The following MDGA2 variants were observed in gnomAD, a reference collection of about 807,000 sequenced individuals.
MDGA2 encodes MAM domain containing glycosylphosphatidylinositol anchor 2, also known as MAM domain-containing glycosylphosphatidylinositol anchor protein 2.
A neutral mutation model predicts 117.8 loss-of-function variants in MDGA2; 40 were observed. The observed-to-expected ratio is 0.34, with a 90% confidence interval of 0.26 to 0.44. MDGA2 has a LOEUF of 0.44. MDGA2 is among the 20% of genes least tolerant of loss of function. The pLI, the probability that MDGA2 is intolerant of heterozygous loss-of-function variation, is 1.00. For missense variants in MDGA2, 1,123 were observed against 1,250.6 expected (o/e 0.90, Z 1.54); for synonymous variants, 452 against 439.0 (o/e 1.03, Z -0.37).
chr14:47,099,406 T>C (rs1217721819), intron 5 of MDGA2, among the ~76,000 whole-genome samples: 3 of 151,984 alleles, frequency 2.0e-5, no homozygotes, highest in African/African-American at 7.2e-5. Flanking sequence ...AAAATATTTT[T>C]GTCCATTAAA....
intron 1 of MDGA2, among the ~76,000 whole-genome samples, chr14:47,626,847 C>G (rs899478980): frequency 6.6e-6 from 1 of 152,240 alleles, no homozygotes; most frequent in Non-Finnish European, 1.5e-5. Context: ...GCGCCGCCCC[C>G]TGCTCCACAG....
rs565845585 is a variant in MDGA2, at chr14:47,146,988, G to A, written c.596-2714C>T. ...TATTGGCTAGGTTATCTGTTGAATTGACTCATGTTTAGAAATTTCTAAGTG... is the reference window on the plus strand; with the variant it reads ...TATTGGCTAGGTTATCTGTTGAATTAACTCATGTTTAGAAATTTCTAAGTG... On this transcript the variant is annotated intron_variant, in intron 3 of 16. Coordinates refer to ENST00000399232, the MANE Select transcript of MDGA2 (RefSeq NM_001113498.3). Among the ~76,000 whole-genome samples, 4 of 152,170 alleles carry A rather than the reference G, an allele frequency of 2.6e-5. No homozygotes were observed. In the East Asian group the frequency reaches 7.7e-4, roughly 29 times the overall value.
At chr14:47,652,766 C>G (rs529761648) in intron 1 of MDGA2, among the ~76,000 whole-genome samples, 1 of 152,038 alleles carries the variant, frequency 6.6e-6, no homozygotes, top group Non-Finnish European at 1.5e-5. Context: ...CTCCCCTCCC[C>G]CCAGGCACAC....
intron 10 of MDGA2, among the ~76,000 whole-genome samples, chr14:46,903,480 C>G (rs1165176892): frequency 6.6e-6 from 1 of 152,092 alleles, no homozygotes; most frequent in Non-Finnish European, 1.5e-5. Context: ...ATTTAGAAGA[C>G]TTATGTTAGA....
At chr14:46,994,512 CAA>C (rs1235258326) in intron 8 of MDGA2, among the ~76,000 whole-genome samples, 11 of 32,150 alleles carry the variant, frequency 3.4e-4, no homozygotes, top group Non-Finnish European at 6.5e-4. Context: ...TGCACACATA[CAA>C]ACACACACAC....
rs116311921 is a variant in MDGA2 at position 47,520,670 on chromosome 14, C to A, written c.280+153847G>T. ...AATTCCATTAAAATAAATGAGCTCA[C>A]GTCCAAGCAAAAATCAAGAATCAAT... On this transcript the variant is annotated intron_variant, in intron 1 of 16. Transcript: ENST00000399232. Among the ~76,000 whole-genome samples the A allele has an allele frequency of 6.6e-5, 10 of 152,112 alleles. No individual in the cohort carries two copies. In the South Asian group the frequency reaches 1.2e-3, roughly 19 times the overall value.
intron 1 of MDGA2, among the ~76,000 whole-genome samples, chr14:47,310,743 G>T (rs1194028469): frequency 1.3e-5 from 2 of 151,934 alleles, no homozygotes; most frequent in Admixed American, 1.3e-4. Flanking sequence ...TTGGCAACTA[G>T]GTCATAGAGT....
chr14:47,388,540 T>C (rs1259311106), intron 1 of MDGA2, among the ~76,000 whole-genome samples: 1 of 152,182 alleles, frequency 6.6e-6, no homozygotes, highest in Non-Finnish European at 1.5e-5. Context: ...TCATCTATCT[T>C]AACTGGTTGC....
intron 1 of MDGA2, among the ~76,000 whole-genome samples, chr14:47,575,205 T>C (rs1332081331): frequency 6.6e-6 from 1 of 152,104 alleles, no homozygotes; most frequent in African/African-American, 2.4e-5. Flanking sequence ...AACGAAATAA[T>C]GGAGAGGACA....
chr14:47,361,419 T>C (rs1347815113), intron 1 of MDGA2, among the ~76,000 whole-genome samples: 1 of 152,104 alleles, frequency 6.6e-6, no homozygotes, highest in Non-Finnish European at 1.5e-5. Context: ...ATTTCTGATG[T>C]TGAAGCCATC....
At chr14:47,335,248 T>C (rs977401493) in intron 1 of MDGA2, among the ~76,000 whole-genome samples, 7 of 137,768 alleles carry the variant, frequency 5.1e-5, no homozygotes, top group African/African-American at 1.9e-4. Context: ...CATTATTTGG[T>C]GATCAGTACT....
chr14:47,623,468 A>ATATCTAAT (rs1897086262), intron 1 of MDGA2, among the ~76,000 whole-genome samples: 1 of 152,174 alleles, frequency 6.6e-6, no homozygotes, highest in Admixed American at 6.5e-5. Context: ...GTCACATACA[A>ATATCTAAT]TATCTAATGC....
At chr14:47,009,600 T>A (rs780391843) in intron 8 of MDGA2, among the ~76,000 whole-genome samples, 1 of 152,064 alleles carries the variant, frequency 6.6e-6, no homozygotes, top group Non-Finnish European at 1.5e-5. Context: ...AGAATTACTT[T>A]TTTATGGTCA....
At chr14:47,161,117 G>A (rs1883615496) in intron 3 of MDGA2, among the ~76,000 whole-genome samples, 1 of 151,600 alleles carries the variant, frequency 6.6e-6, no homozygotes, top group South Asian at 2.1e-4. Context: ...AAAATTTCTA[G>A]CTGTATTTGC....
intron 2 of MDGA2, among the ~76,000 whole-genome samples, chr14:47,288,666 G>C (rs1310010719): frequency 2.6e-5 from 4 of 152,038 alleles, no homozygotes; most frequent in African/African-American, 7.2e-5. Flanking sequence ...TGATGGAAAA[G>C]GATAAAACTG....
At chr14:46,935,209 T>C (rs1176459522) in intron 9 of MDGA2, among the ~76,000 whole-genome samples, 2 of 152,138 alleles carry the variant, frequency 1.3e-5, no homozygotes, top group Non-Finnish European at 2.9e-5. Flanking sequence ...ATGTACATTA[T>C]GCCCAATTCC....
At chr14:47,407,243 C>G (rs1412798324) in intron 1 of MDGA2, among the ~76,000 whole-genome samples, 1 of 152,090 alleles carries the variant, frequency 6.6e-6, no homozygotes, top group East Asian at 1.9e-4. Context: ...TTCCAAAATG[C>G]AGCAGTTTAT....
At chr14:47,657,229 G>A (rs915811208) in intron 1 of MDGA2, among the ~76,000 whole-genome samples, 3 of 152,078 alleles carry the variant, frequency 2.0e-5, no homozygotes, top group African/African-American at 4.8e-5. Context: ...CAGAATCCAC[G>A]AATATAATAA....
chr14:46,977,822 G>A (rs961614301), intron 8 of MDGA2, among the ~76,000 whole-genome samples: 2 of 146,128 alleles, frequency 1.4e-5, no homozygotes, highest in Non-Finnish European at 3.0e-5. Context: ...AATGTAGGGG[G>A]ACTCGGTAAA....
Sources: gnomAD v4.1 joint callset for allele counts (sites outside exome capture counted in the v4.1 genomes callset) on GRCh38, gnomAD v4.1.1 for gene constraint, MANE v1.5 for transcripts, NCBI Gene and HGNC (gene_info 2026-07-23, HGNC 2026-07-21) for gene names.